CD163L1: variants seen among roughly 807,000 people sequenced by gnomAD.
The protein encoded by CD163L1 is scavenger receptor cysteine-rich type 1 protein M160.
Under a neutral mutation model 165.4 loss-of-function variants are expected in CD163L1, and 124 were observed. The ratio of observed to expected loss-of-function variants is 0.75; its 90% CI spans 0.65 to 0.87. CD163L1 has a LOEUF of 0.87. Ranked by LOEUF, CD163L1 falls within the 40% of genes least tolerant of loss-of-function variation. The pLI, the probability that CD163L1 is intolerant of heterozygous loss-of-function variation, is 0.00. For synonymous variants in CD163L1, 585 were observed against 662.2 expected (o/e 0.88, Z 1.79); for missense variants, 1,525 against 1,799.9 (o/e 0.85, Z 2.76).
At chr12:7,339,228 C>T in the CD163L1 span, among the ~76,000 whole-genome samples, 2 of 152,114 alleles carry the variant, frequency 1.3e-5, no homozygotes, top group Admixed American at 6.6e-5. Context: ...CAAAACTAGA[C>T]TAAGAAGTCC....
the CD163L1 span, among the ~76,000 whole-genome samples, chr12:7,334,728 G>C: frequency 6.6e-6 from 1 of 152,050 alleles, no homozygotes; most frequent in Non-Finnish European, 1.5e-5. Context: ...ACATGATTGT[G>C]TATCTAGAAA....
chr12:7,381,239 A>C (rs1362333093), intron 8 of CD163L1, among the ~76,000 whole-genome samples: 1 of 152,174 alleles, frequency 6.6e-6, no homozygotes, highest in African/African-American at 2.4e-5. Context: ...GACCAGATCA[A>C]ACCTGACCAA....
intron 8 of CD163L1, among the ~76,000 whole-genome samples, chr12:7,388,995 C>T (rs1393377947): frequency 2.0e-5 from 3 of 152,160 alleles, no homozygotes; most frequent in African/African-American, 7.2e-5. Flanking sequence ...TTTTCCTTAA[C>T]CATTCATCTG....
Position 7,437,222 on chromosome 12 carries a change from ATTTAAAAGTAT to A in CD163L1, c.125-3539_125-3529del, listed in dbSNP as rs1444024771. 1.3e-4 allele frequency among the ~76,000 whole-genome samples: 16 copies of A among 120,382 alleles called. 1 individual carries two copies. The highest frequency in any genetic ancestry group is 4.5e-4 in the African/African-American group (11 of 24,416). The allele number at this position is 120,382 out of a possible 152,430, so 79.0% of individuals were successfully genotyped here. Reference sequence around the variant, plus strand: ...AGTATTACTTTTTTATTTTAATAGTATTTAAAAGTATTTACTTTTAAATAGTATTTAAATAG... The same window carrying A: ...AGTATTACTTTTTTATTTTAATAGTATTACTTTTAAATAGTATTTAAATAG... On this transcript the variant is annotated intron_variant, in intron 2 of 19. Transcript: ENST00000313599.
chr12:7,368,495 G>A lies in CD163L1; in HGVS notation c.4073-298C>T, dbSNP rs1591882692. ...ATTCACTACTAAAACACCAGAATCA[G>A]AAAATACTAGGGCTTGAGCTGAGCT... On this transcript the variant is annotated intron_variant, in intron 16 of 19. Coordinates refer to ENST00000313599, the MANE Select transcript of CD163L1 (RefSeq NM_174941.6). The surrounding 1 kb of genome is among the most constrained non-coding windows in gnomAD (Gnocchi z 4.3). Among the ~76,000 whole-genome samples, 3 of 150,558 alleles carry A rather than the reference G, an allele frequency of 2.0e-5. No individual in the cohort carries two copies. The highest frequency in any genetic ancestry group is 4.4e-5 in the Non-Finnish European group (3 of 67,774).
chr12:7,366,723 A>G (rs1361665193), intron 18 of CD163L1, among the ~76,000 whole-genome samples: 1 of 152,122 alleles, frequency 6.6e-6, no homozygotes, highest in Non-Finnish European at 1.5e-5. Context: ...TGTTCATTGT[A>G]TTGTCACAGT....
intron 4 of CD163L1, among the ~76,000 whole-genome samples, chr12:7,348,826 T>TTG (rs1555192203): frequency 6.6e-6 from 1 of 151,854 alleles, no homozygotes; most frequent in Non-Finnish European, 1.5e-5. Flanking sequence ...TTTTTTTTTT[T>TTG]TCAAAATAAA....
intron 18 of CD163L1, among the ~76,000 whole-genome samples, chr12:7,364,791 CAAA>C (rs201858748): frequency 6.8e-6 from 1 of 148,094 alleles, no homozygotes; most frequent in Non-Finnish European, 1.5e-5. Flanking sequence ...TAGAAGAGGA[CAAA>C]AAAAAAGAAG....
At chr12:7,428,765 T>C (rs1463028445) in intron 4 of CD163L1, among the ~76,000 whole-genome samples, 1 of 152,078 alleles carries the variant, frequency 6.6e-6, no homozygotes, top group Non-Finnish European at 1.5e-5. Context: ...TTTGCACTTT[T>C]GGGGACATTT....
At chr12:7,383,229 G>A (rs1345890616) in intron 8 of CD163L1, among the ~76,000 whole-genome samples, 1 of 152,106 alleles carries the variant, frequency 6.6e-6, no homozygotes, top group East Asian at 1.9e-4. Context: ...CTGTCCCTGT[G>A]TGCAACATCA....
intron 2 of CD163L1, among the ~76,000 whole-genome samples, chr12:7,435,677 C>T (rs1158987921): frequency 2.0e-5 from 3 of 151,942 alleles, no homozygotes; most frequent in African/African-American, 4.8e-5. Context: ...ACATGCACAT[C>T]CCAGAACCTG....
chr12:7,394,145 T>C (rs1186270320), intron 8 of CD163L1, among the ~76,000 whole-genome samples: 1 of 151,138 alleles, frequency 6.6e-6, no homozygotes, highest in East Asian at 1.9e-4. Flanking sequence ...AAGACAATCC[T>C]AAGTAAAAAG....
At chr12:7,408,076 CAT>C (rs34223603) in intron 4 of CD163L1, among the ~76,000 whole-genome samples, 12,229 of 142,666 alleles carry the variant, frequency 0.086, 530 homozygotes, top group African/African-American at 0.15. Context: ...CTGAACACTA[CAT>C]ATATATATAT....
At chr12:7,361,524 A>T (rs1946891266) in intron 18 of CD163L1, among the ~76,000 whole-genome samples, 1 of 152,304 alleles carries the variant, frequency 6.6e-6, no homozygotes, top group African/African-American at 2.4e-5. Context: ...CCTGTGCCAC[A>T]TTGGCTGTAG....
At chr12:7,415,662 T>C (rs764008486) in intron 4 of CD163L1, among the ~76,000 whole-genome samples, 63 of 152,226 alleles carry the variant, frequency 4.1e-4, no homozygotes, top group African/African-American at 1.5e-3. Context: ...AACTTATAAG[T>C]GAGAACATGC....
intron 9 of CD163L1, 137 bp downstream of exon 9, chr12:7,378,835 TTCTAGA>T (rs1479732906): frequency 5.4e-6 from 3 of 558,410 alleles, no homozygotes; most frequent in Non-Finnish European, 8.9e-6. Context: ...TATACCTGTC[TTCTAGA>T]TAGAGGGTAG....
Position 7,400,135 on chromosome 12 carries a change from A to C in CD163L1, c.1409-1551T>G, listed in dbSNP as rs1947889667. 6.6e-6 allele frequency among the ~76,000 whole-genome samples: 1 copy of C among 152,148 alleles called. No individual in the cohort carries two copies. ...CATATAGAGATATAGAGATTCTGTA[A>C]GTTATTTAATCAAGACACAATTCTT... On this transcript the variant is annotated intron_variant, in intron 6 of 19. Transcript: ENST00000313599. This position sits in a 1 kb window ranked among gnomAD's most constrained non-coding sequence, Gnocchi z 4.1.
At chr12:7,418,018 A>T (rs918885023) in intron 4 of CD163L1, among the ~76,000 whole-genome samples, 2 of 152,038 alleles carry the variant, frequency 1.3e-5, no homozygotes, top group African/African-American at 4.8e-5. Context: ...GGCAAATAAG[A>T]GGCAGAACAA....
Position 7,424,568 on chromosome 12 carries a change from G to A in CD163L1, c.766+7848C>T, listed in dbSNP as rs184250557. Among the ~76,000 whole-genome samples the A allele has an allele frequency of 1.1e-3, 175 of 152,282 alleles. 1 individual carries two copies. The highest frequency in any genetic ancestry group is 2.3e-3 in the Admixed American group (35 of 15,300). Reference sequence around the variant, plus strand: ...AATGGTCTTTGTTTGCAGATGACATGATTGTATATTTAGAAAACCCCATCG... The same window carrying A: ...AATGGTCTTTGTTTGCAGATGACATAATTGTATATTTAGAAAACCCCATCG... On this transcript the variant is annotated intron_variant, in intron 4 of 19. Coordinates refer to ENST00000313599, the MANE Select transcript of CD163L1 (RefSeq NM_174941.6).
Sources: gnomAD v4.1 joint callset for allele counts (sites outside exome capture counted in the v4.1 genomes callset) on GRCh38, gnomAD v4.1.1 for gene constraint, Gnocchi (gnomAD v3.1) non-coding constraint, MANE v1.5 for transcripts, NCBI Gene and HGNC (gene_info 2026-07-23, HGNC 2026-07-21) for gene names.